STYK1: variants seen among roughly 807,000 people sequenced by gnomAD.
STYK1 encodes STY kinase 1.
STYK1 carries 46 observed loss-of-function variants against 48.1 expected under a neutral mutation model. The ratio of observed to expected loss-of-function variants is 0.96; its 90% CI spans 0.75 to 1.22. STYK1 has a LOEUF of 1.22. Ranked by LOEUF, STYK1 falls within the 50% of genes most tolerant of loss-of-function variation. The pLI is 0.00. For synonymous variants in STYK1, 188 were observed against 189.0 expected, an observed-to-expected ratio of 0.99 and a Z score of 0.04; for missense variants, 527 against 521.1, an observed-to-expected ratio of 1.01 and a Z score of -0.11.
intron 1 of STYK1, among the ~76,000 whole-genome samples, chr12:10,639,433 G>A (rs1300276383): frequency 6.7e-6 from 1 of 148,592 alleles, no homozygotes; most frequent in African/African-American, 2.5e-5. Flanking sequence ...TTTTTTTTCT[G>A]ATGGAGTCTC....
chr12:10,658,494 C>T (rs887191677), intron 1 of STYK1, among the ~76,000 whole-genome samples: 4 of 152,150 alleles, frequency 2.6e-5, no homozygotes, highest in Admixed American at 6.5e-5. Flanking sequence ...TTTGAGTTAT[C>T]GTTTTGGCTA....
rs1347109435 is a variant in STYK1 at position 10,629,501 on chromosome 12, A to G, written c.625T>C (p.Cys209Arg). ...TCTGCCCTACTGCTCACCCGCCGAC[A>G]GGTCCAGAGAAAGCTGAGCAGGTCC... ...QGDLLSFLWT[C>R]RRDVMTMDGL... The change falls in exon 6 of 11, where the codon TGT (cysteine) becomes CGT (arginine). Residue 209 changes from cysteine (C) to arginine (R), a missense_variant. Coordinates refer to ENST00000075503, the MANE Select transcript of STYK1 (RefSeq NM_018423.3). 1 of 1,614,088 alleles carries G rather than the reference A, an allele frequency of 6.2e-7. No individual in the cohort carries two copies. Among genetic ancestry groups the G allele is most frequent in the East Asian group, 2.2e-5 (1 of 44,876 alleles).
chr12:10,646,216 G>A (rs1748086607), intron 1 of STYK1, among the ~76,000 whole-genome samples: 1 of 152,228 alleles, frequency 6.6e-6, no homozygotes, highest in Admixed American at 6.5e-5. Context: ...AAGAAGACAG[G>A]AAACTGTGGG....
chr12:10,634,517 C>T (rs1947464915), intron 3 of STYK1, 50 bp downstream of exon 3: 1 of 1,574,942 alleles, frequency 6.3e-7, no homozygotes, highest in Non-Finnish European at 8.7e-7. Flanking sequence ...AGACCTTAGC[C>T]TTCATAATTC....
rs749303627 is a variant in STYK1 at position 10,621,831 on chromosome 12, C to G, written c.1064+45G>C. On this transcript the variant is annotated intron_variant, in intron 10 of 10. Coordinates refer to ENST00000075503, the MANE Select transcript of STYK1 (RefSeq NM_018423.3). ...AGGGCACGATTGATAGAGGGCTAAA[C>G]AACATTTGGAATGAAAGAGGAGCAG... The G allele has an allele frequency of 1.9e-6, 3 of 1,570,544 alleles. No homozygotes were observed. In the African/African-American group the frequency reaches 4.1e-5, roughly 21 times the overall value.
chr12:10,658,132 T>C (rs927148388), intron 1 of STYK1, among the ~76,000 whole-genome samples: 8 of 152,216 alleles, frequency 5.3e-5, no homozygotes, highest in African/African-American at 1.9e-4. Flanking sequence ...TTCTGTAAAT[T>C]GAACATTGGA....
At chr12:10,662,185 T>C (rs909535521) in intron 1 of STYK1, among the ~76,000 whole-genome samples, 2 of 152,252 alleles carry the variant, frequency 1.3e-5, no homozygotes, top group Admixed American at 1.3e-4. Context: ...TGTTGTAGCA[T>C]GAATGAGAAC....
At chr12:10,640,949 C>T (rs1354238948) in intron 1 of STYK1, among the ~76,000 whole-genome samples, 1 of 152,168 alleles carries the variant, frequency 6.6e-6, no homozygotes, top group Non-Finnish European at 1.5e-5. Context: ...AGGTATTATA[C>T]AAATTCAAAA....
chr12:10,629,312 T>C (rs1392813750), intron 6 of STYK1, among the ~76,000 whole-genome samples, 181 bp downstream of exon 6: 2 of 152,260 alleles, frequency 1.3e-5, no homozygotes, highest in Admixed American at 1.3e-4. Context: ...TCATACTGGA[T>C]GGAGCAGTTA....
At chr12:10,637,488 C>A (rs919516992) in intron 1 of STYK1, among the ~76,000 whole-genome samples, 2 of 151,990 alleles carry the variant, frequency 1.3e-5, no homozygotes, top group Admixed American at 1.3e-4. Context: ...CAGGCACCCA[C>A]CACCACGCAC....
chr12:10,669,038 TG>T (rs1266297376), intron 1 of STYK1, among the ~76,000 whole-genome samples: 1 of 152,106 alleles, frequency 6.6e-6, no homozygotes, highest in African/African-American at 2.4e-5. Flanking sequence ...GAAACCTTCA[TG>T]GGAATAAAAG....
intron 2 of STYK1, among the ~76,000 whole-genome samples, chr12:10,635,640 T>C (rs987570756): frequency 6.6e-6 from 1 of 152,198 alleles, no homozygotes; most frequent in Non-Finnish European, 1.5e-5. Context: ...CATAAAAATA[T>C]TTCTCCCCCC....
intron 1 of STYK1, among the ~76,000 whole-genome samples, chr12:10,654,218 C>G (rs1565571133): frequency 6.6e-6 from 1 of 152,196 alleles, no homozygotes; most frequent in Non-Finnish European, 1.5e-5. Flanking sequence ...CTTCCCAACC[C>G]TTTCCCAGAA....
chr12:10,643,232 TTTACTTTATACTCTGA>T (rs1275636405), intron 1 of STYK1, among the ~76,000 whole-genome samples: 1 of 152,158 alleles, frequency 6.6e-6, no homozygotes, highest in African/African-American at 2.4e-5. Context: ...AGATTGAAAT[TTTACTTTATACTCTGA>T]TTACTGAGCT....
intron 2 of STYK1, among the ~76,000 whole-genome samples, chr12:10,636,365 G>A (rs1947485774): frequency 6.6e-6 from 1 of 152,232 alleles, no homozygotes; most frequent in South Asian, 2.1e-4. Flanking sequence ...CCAGCGGGCG[G>A]AAAATTGGCA....
chr12:10,627,547 A>G, intron 7 of STYK1, 94 bp downstream of exon 7: 1 of 1,157,128 alleles, frequency 8.6e-7, no homozygotes, highest in Non-Finnish European at 1.2e-6. Flanking sequence ...AAACATACAC[A>G]CCACTTGAGA....
At chr12:10,669,937 T>G (rs1334516791) in intron 1 of STYK1, among the ~76,000 whole-genome samples, 2 of 152,168 alleles carry the variant, frequency 1.3e-5, no homozygotes, top group African/African-American at 2.4e-5. Flanking sequence ...AGCTATTACC[T>G]CATACCTGTT....
intron 1 of STYK1, among the ~76,000 whole-genome samples, chr12:10,644,053 G>A (rs1037727018): frequency 1.3e-5 from 2 of 152,180 alleles, no homozygotes; most frequent in Non-Finnish European, 2.9e-5. Flanking sequence ...TGGAACTTAA[G>A]GACTTTATGC....
At chr12:10,627,395 G>T (rs1447985863) in intron 7 of STYK1, among the ~76,000 whole-genome samples, 2 of 152,108 alleles carry the variant, frequency 1.3e-5, no homozygotes, top group Non-Finnish European at 2.9e-5. Flanking sequence ...CCTGTTCCTT[G>T]TATAAACCCT....
Sources: allele counts gnomAD v4.1 joint callset (sites outside exome capture counted in the v4.1 genomes callset), GRCh38; gene constraint gnomAD v4.1.1; transcripts MANE v1.5; gene names NCBI Gene and HGNC (gene_info 2026-07-23, HGNC 2026-07-21).